NCOA3: variants seen among roughly 807,000 people sequenced by gnomAD.
NCOA3 encodes the protein CBP-interacting protein.
A neutral mutation model predicts 158.8 loss-of-function variants in NCOA3; 51 were observed. The ratio of observed to expected loss-of-function variants is 0.32; its 90% CI spans 0.26 to 0.41. The LOEUF is 0.41. Ranked by LOEUF, NCOA3 falls within the 10% of genes least tolerant of loss-of-function variation. NCOA3 has a pLI of 1.00. For synonymous variants in NCOA3, 537 were observed against 592.4 expected (o/e 0.91, Z 1.36); for missense variants, 1,510 against 1,746.6 (o/e 0.86, Z 2.41).
intron 2 of NCOA3, among the ~76,000 whole-genome samples, chr20:47,620,032 G>C (rs2086209908): frequency 6.6e-6 from 1 of 152,138 alleles, no homozygotes. Context: ...CTGACCTTGT[G>C]ATTCACCCGC....
rs1388655508 is a variant in NCOA3 at position 47,634,061 on chromosome 20, C to A, written c.978C>A (p.Gly326=). 3 of 1,613,878 alleles carry A rather than the reference C, an allele frequency of 1.9e-6. No individual in the cohort carries two copies. Among genetic ancestry groups the A allele is most frequent in the East Asian group, 4.5e-5 (2 of 44,884 alleles). The change falls in exon 10 of 23, where the codon GGC becomes GGA. Residue 326 remains glycine (G), a synonymous_variant. Coordinates refer to ENST00000371998, the MANE Select transcript of NCOA3 (RefSeq NM_181659.3). The part of the protein sequence containing the change: ...KRHYQEAYLN[G]HAETPVYRFS... ...TTTCCCCAACAGCTTATCTTAATGG[C>A]CATGCAGAAACCCCAGTATATCGAT...
Position 47,603,480 on chromosome 20 carries a change from T to TAGGC in NCOA3, c.-19-18748_-19-18747insGGCA, listed in dbSNP as rs1161018921. On this transcript the variant is annotated intron_variant, in intron 2 of 22. Coordinates refer to ENST00000371998, the MANE Select transcript of NCOA3 (RefSeq NM_181659.3). ...AAGCCCAAGTAGGCATGTGTTACAG[T>TAGGC]ATGCTCTTTTTGCTTTGCCGACCAT... Among the ~76,000 whole-genome samples, 6 of 152,362 alleles carry TAGGC rather than the reference T, an allele frequency of 3.9e-5. No individual in the cohort carries two copies. The East Asian group carries it at 1.2e-3, about 29-fold the overall frequency.
At chr20:47,552,882 A>C (rs996819648) in intron 1 of NCOA3, among the ~76,000 whole-genome samples, 7 of 152,142 alleles carry the variant, frequency 4.6e-5, no homozygotes, top group African/African-American at 1.7e-4. Context: ...AAAAGGGAAA[A>C]ATGTGATTGA....
At chr20:47,627,802 T>TG (rs2086347178) in intron 7 of NCOA3, 53 bp downstream of exon 7, 12 of 1,592,292 alleles carry the variant, frequency 7.5e-6, no homozygotes, top group Non-Finnish European at 9.4e-6. Flanking sequence ...TGGCCATACT[T>TG]GGAGTTTTGA....
Position 47,635,968 on chromosome 20 carries a change from G to T in NCOA3, c.1582G>T (p.Ala528Ser), listed in dbSNP as rs773102518. 6.2e-7 allele frequency: 1 copy of T among 1,614,068 alleles called. No homozygotes were observed. The highest frequency in any genetic ancestry group is 1.1e-5 in the South Asian group (1 of 91,078). The stretch of plus-strand genomic sequence containing the variant: ...CAGCAGCTCTCTCAGTGCCCTGCAA[G>T]CCATCAGTGAAGGTGTGGGGACTTC... Reference protein sequence around the residue: ...FSSSSLSALQAISEGVGTSLL... With the variant: ...FSSSSLSALQSISEGVGTSLL... The change falls in exon 12 of 23, where the codon GCC becomes TCC. Residue 528 changes from alanine to serine, a missense_variant. This residue lies in a region of NCOA3 where 1,017 missense variants were observed against 1,098.3 expected (regional missense o/e 0.93). Coordinates refer to ENST00000371998, the MANE Select transcript of NCOA3 (RefSeq NM_181659.3).
intron 1 of NCOA3, among the ~76,000 whole-genome samples, chr20:47,533,718 C>T (rs1437358311): frequency 1.7e-4 from 26 of 152,044 alleles, no homozygotes; most frequent in Admixed American, 1.7e-3. Context: ...TTCTTGAGCC[C>T]AGGAGTTTGA....
chr20:47,559,964 T>A (rs565659189), intron 1 of NCOA3, among the ~76,000 whole-genome samples: 46 of 152,316 alleles, frequency 3.0e-4, no homozygotes, highest in Non-Finnish European at 1.5e-4. Flanking sequence ...TTTTGTATTT[T>A]TAATAGAGAT....
At chr20:47,652,601 AAGTT>A in intron 21 of NCOA3, 21 bp downstream of exon 21, 1 of 1,589,810 alleles carries the variant, frequency 6.3e-7, no homozygotes, top group Middle Eastern at 1.7e-4. Flanking sequence ...GTGACTTATA[AAGTT>A]AGTCACATCC....
At position 47,525,675 on chromosome 20, in the gene NCOA3, A is replaced by G. The variant is rs1233660680; in HGVS notation, c.-99+23656A>G. ...CCGGACGGGGGGGCTGACCCCCCCCACCTCCCTCCCGGACGGGGCGGCTGG... is the reference window on the plus strand; with the variant it reads ...CCGGACGGGGGGGCTGACCCCCCCCGCCTCCCTCCCGGACGGGGCGGCTGG... On this transcript the variant is annotated intron_variant, in intron 1 of 22. Transcript: ENST00000371998. 5.8e-5 allele frequency among the ~76,000 whole-genome samples: 4 copies of G among 69,438 alleles called. No homozygotes were observed. In the East Asian group the frequency reaches 1.4e-3, roughly 24 times the overall value. The allele number at this position is 69,438 out of a possible 152,430, so 45.6% of individuals were successfully genotyped here.
chr20:47,572,544 CT>C (rs72662710), intron 1 of NCOA3, among the ~76,000 whole-genome samples: 35 of 147,910 alleles, frequency 2.4e-4, no homozygotes, highest in African/African-American at 4.9e-4. Context: ...CCCCACCTGC[CT>C]TTTTTTTTTA....
chr20:47,540,511 G>A (rs1272733199), intron 1 of NCOA3, among the ~76,000 whole-genome samples: 2 of 151,218 alleles, frequency 1.3e-5, no homozygotes, highest in South Asian at 4.2e-4. Context: ...GGTGGAGTTT[G>A]CAGTGAGCTG....
At position 47,633,570 on chromosome 20, in the gene NCOA3, T is replaced by G; in HGVS notation, c.898T>G (p.Cys300Gly). The change falls in exon 9 of 23, where the codon TGT becomes GGT. Residue 300 changes from cysteine (C) to glycine (G), a missense_variant. Around this residue, in one of 4 missense-constraint regions of NCOA3, gnomAD observed 309 missense variants for 427.1 expected, o/e 0.72. Transcript: ENST00000371998. ...RPGFEDIIRR[C>G]IQRFFSLNDG... is the part of the protein sequence containing the mutation. Reference sequence around the variant, plus strand: ...TGGCTTTGAAGATATAATCCGAAGGTGTATTCAGAGATTTTTTAGTCTAAA... The same window carrying G: ...TGGCTTTGAAGATATAATCCGAAGGGGTATTCAGAGATTTTTTAGTCTAAA... 6.2e-7 allele frequency: 1 copy of G among 1,613,690 alleles called. No homozygotes were observed. The highest frequency in any genetic ancestry group is 8.5e-7 in the Non-Finnish European group (1 of 1,179,656).
chr20:47,609,329 G>T (rs1178003290), intron 2 of NCOA3, among the ~76,000 whole-genome samples: 1 of 152,166 alleles, frequency 6.6e-6, no homozygotes, highest in Non-Finnish European at 1.5e-5. Flanking sequence ...ACTTGGTGAA[G>T]TAGGTTTTGG....
At chr20:47,627,525 G>A in intron 6 of NCOA3, 36 bp from the exon 7 acceptor site, 2 of 1,537,276 alleles carry the variant, frequency 1.3e-6, no homozygotes, top group African/African-American at 1.4e-5. Flanking sequence ...TGAGTTACCA[G>A]CTTTTTAAAA....
intron 1 of NCOA3, among the ~76,000 whole-genome samples, chr20:47,542,341 C>A (rs1245989862): frequency 6.6e-6 from 1 of 151,694 alleles, no homozygotes; most frequent in African/African-American, 2.4e-5. Flanking sequence ...TGCCCGGCTT[C>A]CTGTAGAGTT....
chr20:47,523,331 G>C (rs1362051008), intron 1 of NCOA3, among the ~76,000 whole-genome samples: 2 of 152,160 alleles, frequency 1.3e-5, no homozygotes, highest in Non-Finnish European at 2.9e-5. Context: ...CGTGGAATGG[G>C]AAACAGCAGC....
chr20:47,580,131 A>G (rs6012215), intron 1 of NCOA3, among the ~76,000 whole-genome samples: 20,604 of 152,052 alleles, frequency 0.14, 2,014 homozygotes, highest in African/African-American at 0.26. Flanking sequence ...GCAGATTGGC[A>G]GGGTCAGCAT....
At chr20:47,531,461 T>C (rs1203366670) in intron 1 of NCOA3, among the ~76,000 whole-genome samples, 1 of 152,240 alleles carries the variant, frequency 6.6e-6, no homozygotes, top group Admixed American at 6.5e-5. Flanking sequence ...AACAGATGTA[T>C]TACAGATATC....
chr20:47,588,250 T>G (rs1027912940), intron 2 of NCOA3, among the ~76,000 whole-genome samples: 7 of 147,806 alleles, frequency 4.7e-5, no homozygotes, highest in African/African-American at 1.7e-4. Flanking sequence ...TTCTTCTGCC[T>G]CAGCCTCCTG....
Sources: allele counts gnomAD v4.1 joint callset (sites outside exome capture counted in the v4.1 genomes callset), GRCh38; gene constraint gnomAD v4.1.1; regional missense constraint gnomAD v4.1.1; transcripts MANE v1.5; gene names NCBI Gene and HGNC (gene_info 2026-07-23, HGNC 2026-07-21).